NCOR2: variants seen among roughly 807,000 people sequenced by gnomAD.
NCOR2 encodes nuclear receptor corepressor 2, also known as CTG repeat protein 26.
Under a neutral mutation model 262.9 loss-of-function variants are expected in NCOR2, and 81 were observed. The observed-to-expected ratio is 0.31, with a 90% CI of 0.26 to 0.37. The LOEUF (loss-of-function observed/expected upper bound fraction) is 0.37, where lower values mean the gene tolerates loss of function less well. NCOR2 is among the 10% of genes least tolerant of loss of function. NCOR2 has a pLI of 1.00. For missense variants in NCOR2, 3,385 were observed against 3,621.4 expected, an observed-to-expected ratio of 0.93 and a Z score of 1.68; for synonymous variants, 1,659 against 1,559.3, an observed-to-expected ratio of 1.06 and a Z score of -1.51.
At position 124,417,029 on chromosome 12, in the gene NCOR2, G is replaced by A. The variant is rs572806080; in HGVS notation, c.1482+2928C>T. On this transcript the variant is annotated intron_variant, in intron 13 of 46. Transcript: ENST00000405201. ...ACATTCGCTCCGCCCAGAGCAAGCC[G>A]GACACTCACTCCTGAGAGCAAGCCG... Among the ~76,000 whole-genome samples, 11 of 149,570 alleles carry A rather than the reference G, an allele frequency of 7.4e-5. No individual in the cohort carries two copies. The South Asian group carries it at 1.5e-3, about 20-fold the overall frequency.
chr12:124,339,871 ATTC>A (rs2036295628), intron 37 of NCOR2, 132 bp downstream of exon 39: 5 of 1,088,914 alleles, frequency 4.6e-6, no homozygotes, highest in African/African-American at 3.6e-5. Flanking sequence ...CACATAGTCT[ATTC>A]TTCTACCCCC....
chr12:124,480,432 G>A (rs1050073606), intron 3 of NCOR2, among the ~76,000 whole-genome samples: 1 of 152,182 alleles, frequency 6.6e-6, no homozygotes, highest in African/African-American at 2.4e-5. Flanking sequence ...CACTGCCTGC[G>A]ATTCCCCCAC....
chr12:124,334,622 A>C lies in NCOR2; in HGVS notation c.6412-5T>G. On this transcript the variant is annotated splice_polypyrimidine_tract_variant and splice_region_variant and intron_variant, in intron 40 of 46. Transcript: ENST00000405201. Reference sequence around the variant, plus strand: ...GTAGTCCTGTGTGATGACCTCCTGCAGGCAAGTGGGGGGGCCCAGAGTCAG... The same window carrying C: ...GTAGTCCTGTGTGATGACCTCCTGCCGGCAAGTGGGGGGGCCCAGAGTCAG... The C allele has an allele frequency of 7.4e-7, 1 of 1,360,524 alleles. No homozygotes were observed. The highest frequency in any genetic ancestry group is 9.4e-7 in the Non-Finnish European group (1 of 1,061,816). The allele number at this position is 1,360,524 out of a possible 1,614,324, so 84.3% of individuals were successfully genotyped here. A position where few individuals can be genotyped will look rare whatever the true frequency, so the allele number is the denominator to read the frequency against.
intron 1 of NCOR2, among the ~76,000 whole-genome samples, chr12:124,547,307 A>G (rs1189652755): frequency 6.6e-6 from 1 of 152,126 alleles, no homozygotes; most frequent in Admixed American, 6.5e-5. Context: ...CTATTTTATT[A>G]TTAGTTATGG....
At chr12:124,371,659 C>A (rs1275090755) in intron 20 of NCOR2, among the ~76,000 whole-genome samples, 1 of 152,208 alleles carries the variant, frequency 6.6e-6, no homozygotes, top group African/African-American at 2.4e-5. Context: ...TGCCCCCAGG[C>A]TCCTGGCCTC....
At position 124,422,614 on chromosome 12, in the gene NCOR2, G is replaced by A. The variant is rs994210079; in HGVS notation, c.1329-59C>T. ...CCGAGGGGGGCTTTCCTGCGGGGCA[G>A]CCGATCGGCTCCCAGGCGCCTGCCA... On this transcript the variant is annotated intron_variant, in intron 11 of 46. Coordinates refer to ENST00000405201, the Ensembl canonical transcript of NCOR2. 6 of 1,600,150 alleles carry A rather than the reference G, an allele frequency of 3.7e-6. No homozygotes were observed. In the African/African-American group the frequency reaches 8.0e-5, roughly 21 times the overall value.
At chr12:124,354,800 G>T in intron 25 of NCOR2, 37 bp downstream of exon 27, 1 of 1,591,530 alleles carries the variant, frequency 6.3e-7, no homozygotes, top group Non-Finnish European at 8.6e-7. Context: ...CCAGAGCCCA[G>T]CCTGAGCCAC....
intron 1 of NCOR2, among the ~76,000 whole-genome samples, chr12:124,557,608 G>A (rs1405746662): frequency 6.6e-6 from 1 of 152,218 alleles, no homozygotes; most frequent in Non-Finnish European, 1.5e-5. Flanking sequence ...GGAGGGACGT[G>A]AATGGGTGGG....
At chr12:124,351,455 C>T (rs571026628) in intron 27 of NCOR2, among the ~76,000 whole-genome samples, 138 of 152,312 alleles carry the variant, frequency 9.1e-4, no homozygotes, top group African/African-American at 3.2e-3. Context: ...CAGGAGTACA[C>T]GCCTCCCCAG....
At position 124,426,917 on chromosome 12, in the gene NCOR2, C is replaced by G; in HGVS notation, c.1150-117G>C. 3.3e-6 allele frequency: 3 copies of G among 914,278 alleles called. No homozygotes were observed. In the South Asian group the frequency reaches 6.7e-5, roughly 20 times the overall value. 56.6% of individuals were successfully genotyped at this position (914,278 alleles called of 1,614,324 possible). ...GGTCTGCGCCAGAGCAGGGAAAACG[C>G]GAAACCAAGGAGAAGGAGAATGATG... is the stretch of plus-strand genomic sequence containing the variant. On this transcript the variant is annotated intron_variant, in intron 10 of 46. Coordinates refer to ENST00000405201, the Ensembl canonical transcript of NCOR2.
intron 41 of NCOR2, among the ~76,000 whole-genome samples, chr12:124,333,863 T>TGTGTGCGCATGTGTGCGG (rs2035515207): frequency 8.0e-6 from 1 of 124,560 alleles, no homozygotes; most frequent in African/African-American, 3.0e-5. Context: ...TGCATGTGTG[T>TGTGTGCGCATGTGTGCGG]GTGCGCATGT....
intron 1 of NCOR2, among the ~76,000 whole-genome samples, chr12:124,550,834 C>T (rs1000313078): frequency 6.6e-6 from 1 of 152,190 alleles, no homozygotes; most frequent in East Asian, 1.9e-4. Context: ...CAGGAGAAGC[C>T]CAGAGCTGGC....
At chr12:124,333,909 T>TGTGTGCGCGCATGTGG (rs2035574761) in intron 41 of NCOR2, among the ~76,000 whole-genome samples, 1 of 145,930 alleles carries the variant, frequency 6.9e-6, no homozygotes, top group South Asian at 2.2e-4. Context: ...CGCGCATGTG[T>TGTGTGCGCGCATGTGG]GCGGGTGTGC....
At chr12:124,346,655 C>T (rs758779755) in exon 31 of NCOR2, 6 of 1,586,738 alleles carry the variant, frequency 3.8e-6, no homozygotes, top group African/African-American at 1.3e-5. Context: ...ATGGATGGAG[C>T]GGCCCGCCTC....
Position 124,378,157 on chromosome 12 carries a change from CG to C in NCOR2, c.2167+79del. On this transcript the variant is annotated intron_variant, in intron 18 of 46. Transcript: ENST00000405201. The surrounding 1 kb of genome is among the most constrained non-coding windows in gnomAD (Gnocchi z 4.2). ...GATGACTCAGGGGAGAGGAGGCTGCCGGGATCAGTTCCCGCTATGCCCTCCC... is the reference window on the plus strand; with the variant it reads ...GATGACTCAGGGGAGAGGAGGCTGCCGGATCAGTTCCCGCTATGCCCTCCC... The C allele has an allele frequency of 6.5e-7, 1 of 1,549,748 alleles. No homozygotes were observed. The highest frequency in any genetic ancestry group is 8.7e-7 in the Non-Finnish European group (1 of 1,147,366).
chr12:124,372,051 C>T (rs1489991709), exon 20 of NCOR2: 4 of 1,599,882 alleles, frequency 2.5e-6, no homozygotes, highest in Non-Finnish European at 3.4e-6. Flanking sequence ...CGGCCTCATC[C>T]ACCTCGTCTG....
At chr12:124,348,036 C>A in intron 29 of NCOR2, 125 bp from the exon 32 acceptor site, 5 of 1,466,128 alleles carry the variant, frequency 3.4e-6, no homozygotes, top group East Asian at 2.5e-5. Flanking sequence ...GGACCCAGCA[C>A]GGGAAGGTCC....
chr12:124,333,903 CAT>C (rs1491393383), intron 41 of NCOR2, among the ~76,000 whole-genome samples: 6 of 104,082 alleles, frequency 5.8e-5, no homozygotes, highest in African/African-American at 2.0e-4. Flanking sequence ...TGTGCGCGCG[CAT>C]GTGTGCGGGT....
At position 124,354,095 on chromosome 12, in the gene NCOR2, G is replaced by A. The variant is rs774754353; in HGVS notation, c.3691C>T (p.His1231Tyr). The change falls in exon 27 of 47, where the codon CAC becomes TAC. Residue 1231 changes from histidine to tyrosine, a missense_variant and splice_region_variant. Around this residue, in one of 5 missense-constraint regions of NCOR2, gnomAD observed 1,615 missense variants for 1,626.9 expected, o/e 0.99. Transcript: ENST00000405201. ...CTGCCGCACCCCAGGACACCTACGT[G>A]GGTGATGGAGCCGCGGTATGTGATG... 1.4e-5 allele frequency: 22 copies of A among 1,608,344 alleles called. No homozygotes were observed. In the South Asian group the frequency reaches 2.2e-4, roughly 16 times the overall value.
Sources: gnomAD v4.1 joint callset for allele counts (sites outside exome capture counted in the v4.1 genomes callset) on GRCh38, gnomAD v4.1.1 for gene constraint, gnomAD v4.1.1 regional missense constraint, Gnocchi (gnomAD v3.1) non-coding constraint, MANE v1.5 for transcripts, NCBI Gene and HGNC (gene_info 2026-07-23, HGNC 2026-07-21) for gene names.